Variants in ARSB observed in about 807,000 individuals in gnomAD.
ARSB encodes N-acetylgalactosamine-4-sulfatase.
In ARSB, 41 loss-of-function variants were observed where a neutral mutation model predicts 50.9. The observed-to-expected ratio is 0.81, with a 90% CI of 0.63 to 1.04. The LOEUF is 1.04. Ranked by LOEUF, ARSB falls within the 50% of genes least tolerant of loss-of-function variation. The pLI, the probability that ARSB is intolerant of heterozygous loss-of-function variation, is 0.00. For synonymous variants in ARSB, 269 were observed against 284.8 expected, an observed-to-expected ratio of 0.94 and a Z score of 0.56; for missense variants, 672 against 693.3, an observed-to-expected ratio of 0.97 and a Z score of 0.35.
chr5:78,813,160 G>C (rs543586507), intron 6 of ARSB, among the ~76,000 whole-genome samples: 1 of 151,890 alleles, frequency 6.6e-6, no homozygotes, highest in Non-Finnish European at 1.5e-5. Context: ...TGCCTCCCGG[G>C]TTCAAGTGAT....
At chr5:78,932,674 C>A (rs1750385708) in intron 4 of ARSB, among the ~76,000 whole-genome samples, 1 of 152,210 alleles carries the variant, frequency 6.6e-6, no homozygotes. Flanking sequence ...ACTCTCTAAG[C>A]ACCTACTTCT....
intron 3 of ARSB, among the ~76,000 whole-genome samples, chr5:78,956,554 A>T (rs1751736358): frequency 6.6e-6 from 1 of 152,220 alleles, no homozygotes; most frequent in Non-Finnish European, 1.5e-5. Flanking sequence ...AAATATAACA[A>T]AAGACACAAG....
intron 4 of ARSB, among the ~76,000 whole-genome samples, chr5:78,887,411 G>T (rs73126638): frequency 6.6e-6 from 1 of 152,072 alleles, no homozygotes; most frequent in East Asian, 1.9e-4. Flanking sequence ...TGAGGAACCC[G>T]CCCCCATGAC....
At chr5:78,835,158 G>A (rs149370037) in intron 6 of ARSB, among the ~76,000 whole-genome samples, 2 of 152,144 alleles carry the variant, frequency 1.3e-5, no homozygotes, top group Admixed American at 6.6e-5. Flanking sequence ...GAATGTGTAC[G>A]TGTATCAATA....
At chr5:78,899,443 C>A (rs1335356324) in intron 4 of ARSB, among the ~76,000 whole-genome samples, 1 of 152,160 alleles carries the variant, frequency 6.6e-6, no homozygotes, top group East Asian at 1.9e-4. Context: ...ACACCAACAG[C>A]AGTAATTCTT....
chr5:78,963,366 T>C (rs898784027), intron 3 of ARSB, among the ~76,000 whole-genome samples: 1 of 152,198 alleles, frequency 6.6e-6, no homozygotes, highest in East Asian at 1.9e-4. Context: ...TATTCCTTTA[T>C]AGCAACACAA....
chr5:78,798,880 C>A (rs1171903758), intron 6 of ARSB, among the ~76,000 whole-genome samples: 1 of 152,146 alleles, frequency 6.6e-6, no homozygotes, highest in African/African-American at 2.4e-5. Flanking sequence ...ACATTGCTGT[C>A]CATGGCCCAA....
chr5:78,968,087 T>A (rs1172769844), intron 2 of ARSB, among the ~76,000 whole-genome samples: 1 of 152,104 alleles, frequency 6.6e-6, no homozygotes, highest in East Asian at 1.9e-4. Flanking sequence ...TATTATTATT[T>A]CTTATTATCC....
At chr5:78,816,270 C>G (rs1743987838) in intron 6 of ARSB, among the ~76,000 whole-genome samples, 1 of 152,174 alleles carries the variant, frequency 6.6e-6, no homozygotes, top group African/African-American at 2.4e-5. Flanking sequence ...ATTCTAGTGC[C>G]TAACAGGGCC....
intron 7 of ARSB, 138 bp downstream of exon 7, chr5:78,781,714 A>G: frequency 7.6e-7 from 1 of 1,318,150 alleles, no homozygotes; most frequent in South Asian, 1.2e-5. Flanking sequence ...AACAAGAGTG[A>G]TAATGTCCTC....
intron 5 of ARSB, among the ~76,000 whole-genome samples, chr5:78,850,666 T>G (rs1464348120): frequency 3.3e-5 from 5 of 152,206 alleles, no homozygotes; most frequent in Non-Finnish European, 5.9e-5. Context: ...CTGGTAGAAT[T>G]TGGTTGTGAA....
At chr5:78,828,794 G>T (rs1240892024) in intron 6 of ARSB, among the ~76,000 whole-genome samples, 1 of 152,118 alleles carries the variant, frequency 6.6e-6, no homozygotes, top group Non-Finnish European at 1.5e-5. Flanking sequence ...AATATGTTAG[G>T]TTACACGGCA....
intron 2 of ARSB, among the ~76,000 whole-genome samples, chr5:78,965,457 G>C (rs2112517141): frequency 6.6e-6 from 1 of 152,246 alleles, no homozygotes; most frequent in East Asian, 1.9e-4. Flanking sequence ...GCTGCCTAGG[G>C]CTGGAGGGAC....
chr5:78,796,156 C>T (rs538080109), intron 6 of ARSB, among the ~76,000 whole-genome samples: 1 of 152,320 alleles, frequency 6.6e-6, no homozygotes, highest in Non-Finnish European at 1.5e-5. Flanking sequence ...TTGACAAGAG[C>T]TCTTCTCATG....
chr5:78,982,494 T>G (rs1003668778), intron 1 of ARSB, among the ~76,000 whole-genome samples: 1 of 152,216 alleles, frequency 6.6e-6, no homozygotes, highest in Non-Finnish European at 1.5e-5. Context: ...TTAATAATTT[T>G]GAGTAGGCAA....
chr5:78,904,378 AT>A (rs60208190), intron 4 of ARSB, among the ~76,000 whole-genome samples: 11,632 of 147,116 alleles, frequency 0.079, 575 homozygotes, highest in African/African-American at 0.14. Context: ...CTTTCAAGGT[AT>A]TTTTTTTTTT....
rs114018334 is a variant in ARSB at position 78,897,046 on chromosome 5, T to C, written c.899-11219A>G. Reference sequence around the variant, plus strand: ...ATTTGGACTTAAGGCCATTCTATAGTAGAAATACAAAAAAAAAGAGAGAGC... The same window carrying C: ...ATTTGGACTTAAGGCCATTCTATAGCAGAAATACAAAAAAAAAGAGAGAGC... On this transcript the variant is annotated intron_variant, in intron 4 of 7. Coordinates refer to ENST00000264914, the MANE Select transcript of ARSB (RefSeq NM_000046.5). Among the ~76,000 whole-genome samples, 1,328 of 150,490 alleles carry C rather than the reference T, an allele frequency of 8.8e-3. 16 individuals carry two copies. Among genetic ancestry groups the C allele is most frequent in the African/African-American group, 0.031 (1,239 of 40,366 alleles).
chr5:78,954,780 C>T (rs1440648291), intron 4 of ARSB, among the ~76,000 whole-genome samples: 2 of 152,240 alleles, frequency 1.3e-5, no homozygotes, highest in Non-Finnish European at 2.9e-5. Flanking sequence ...GCTGGGATTA[C>T]AGGCGTGAGC....
At chr5:78,929,028 C>T (rs1750193985) in intron 4 of ARSB, among the ~76,000 whole-genome samples, 1 of 152,164 alleles carries the variant, frequency 6.6e-6, no homozygotes, top group Non-Finnish European at 1.5e-5. Context: ...CTACCTACAT[C>T]TTAACAATCA....
Sources: gnomAD v4.1 joint callset for allele counts (sites outside exome capture counted in the v4.1 genomes callset) on GRCh38, gnomAD v4.1.1 for gene constraint, MANE v1.5 for transcripts, NCBI Gene and HGNC (gene_info 2026-07-23, HGNC 2026-07-21) for gene names.